MARCHF1: variants seen among roughly 807,000 people sequenced by gnomAD.
MARCHF1 encodes the protein E3 ubiquitin-protein ligase MARCHF1.
Under a neutral mutation model 54.2 loss-of-function variants are expected in MARCHF1, and 40 were observed. The observed-to-expected ratio is 0.74, with a 90% confidence interval of 0.57 to 0.96. The LOEUF is 0.96. Among genes scored for constraint, MARCHF1 ranks in the 40% least tolerant of loss-of-function variants. The pLI, the probability that MARCHF1 is intolerant of heterozygous loss-of-function variation, is 0.00. For synonymous variants in MARCHF1, 236 were observed against 236.3 expected (o/e 1.00, Z 0.01); for missense variants, 586 against 656.5 (o/e 0.89, Z 1.17).
chr4:163,667,555 T>C (rs977748820), intron 5 of MARCHF1, among the ~76,000 whole-genome samples: 1 of 152,138 alleles, frequency 6.6e-6, no homozygotes, highest in African/African-American at 2.4e-5. Flanking sequence ...AATGGAATAT[T>C]CCAGGGGAGA....
intron 5 of MARCHF1, among the ~76,000 whole-genome samples, chr4:163,678,335 T>G (rs951869496): frequency 2.0e-5 from 3 of 152,234 alleles, no homozygotes; most frequent in African/African-American, 7.2e-5. Flanking sequence ...ACAGAATCTG[T>G]TCTGCCTCTT....
intron 2 of MARCHF1, among the ~76,000 whole-genome samples, chr4:163,998,574 T>C (rs568883901): frequency 1.6e-4 from 24 of 151,864 alleles, no homozygotes; most frequent in African/African-American, 5.5e-4. Context: ...ATAGTCACCA[T>C]TGTGTACAAA....
At chr4:164,122,729 G>A (rs897139974) in intron 1 of MARCHF1, among the ~76,000 whole-genome samples, 1 of 151,918 alleles carries the variant, frequency 6.6e-6, no homozygotes, top group Non-Finnish European at 1.5e-5. Context: ...CTTCTTGTGT[G>A]TTTTCGTGTC....
chr4:163,613,469 A>G, intron 5 of MARCHF1, 76 bp from the exon 6 acceptor site: 1 of 1,612,386 alleles, frequency 6.2e-7, no homozygotes, highest in East Asian at 2.2e-5. Context: ...TTTTCCACAT[A>G]TTTAAAAAAT....
rs1738190645 is a variant in MARCHF1, at chr4:163,527,957, A to G, written c.*791T>C. ...GGCTACTGGGAAGTTAAATATTTGC[A>G]TCTGTGGCCTGCATTTGTGGCTGTT... On this transcript the variant is annotated 3_prime_UTR_variant, in exon 10 of 10. Transcript: ENST00000514618. 1 of 152,526 alleles carries G rather than the reference A, an allele frequency of 6.6e-6. No homozygotes were observed. 9.4% of individuals were successfully genotyped at this position (152,526 alleles called of 1,614,324 possible). A position where few individuals can be genotyped will look rare whatever the true frequency, so the allele number is the denominator to read the frequency against.
intron 5 of MARCHF1, among the ~76,000 whole-genome samples, chr4:163,637,793 C>T (rs1281152014): frequency 1.4e-4 from 22 of 151,870 alleles, no homozygotes; most frequent in South Asian, 4.2e-4. Flanking sequence ...CACATGCACA[C>T]GTATGTTTAT....
At chr4:163,812,349 G>A (rs1026439991) in intron 4 of MARCHF1, among the ~76,000 whole-genome samples, 5 of 150,966 alleles carry the variant, frequency 3.3e-5, no homozygotes, top group East Asian at 1.9e-4. Context: ...ACATATACAC[G>A]TATATATACA....
intron 9 of MARCHF1, among the ~76,000 whole-genome samples, chr4:163,542,749 A>G (rs564968046): frequency 6.6e-6 from 1 of 152,340 alleles, no homozygotes; most frequent in South Asian, 2.1e-4. Flanking sequence ...GAGGTTAAAA[A>G]TATGCATTTC....
chr4:163,630,649 T>A (rs189451075), intron 5 of MARCHF1, among the ~76,000 whole-genome samples: 396 of 152,198 alleles, frequency 2.6e-3, no homozygotes, highest in Admixed American at 3.6e-3. Context: ...GCAAAATGGA[T>A]TGTGGTGAGA....
chr4:163,721,830 G>A (rs1468959156), intron 4 of MARCHF1, among the ~76,000 whole-genome samples: 1 of 152,036 alleles, frequency 6.6e-6, no homozygotes, highest in African/African-American at 2.4e-5. Context: ...GGTGTTTGTG[G>A]TATTCTCTGA....
intron 4 of MARCHF1, among the ~76,000 whole-genome samples, chr4:163,733,258 T>TATATACATGTATATATATAC (rs1554008879): frequency 2.2e-5 from 1 of 45,062 alleles, no homozygotes; most frequent in African/African-American, 6.6e-5. Context: ...TATATATATA[T>TATATACATGTATATATATAC]ACACACACAC....
chr4:163,965,574 T>C (rs1464982015), intron 3 of MARCHF1, among the ~76,000 whole-genome samples: 1 of 152,046 alleles, frequency 6.6e-6, no homozygotes, highest in Non-Finnish European at 1.5e-5. Context: ...AAAGGCAGCA[T>C]CAAGGACCCA....
chr4:163,783,340 C>A (rs565411398), intron 4 of MARCHF1, among the ~76,000 whole-genome samples: 22 of 152,286 alleles, frequency 1.4e-4, no homozygotes, highest in Admixed American at 1.4e-3. Context: ...CTAGCTTAAA[C>A]AGGAATGTAT....
intron 1 of MARCHF1, among the ~76,000 whole-genome samples, chr4:164,212,617 C>G (rs1018741633): frequency 6.6e-6 from 1 of 152,046 alleles, no homozygotes; most frequent in Non-Finnish European, 1.5e-5. Flanking sequence ...ATATGATCAG[C>G]CTTCAATATC....
At chr4:164,064,909 A>T (rs34561353) in intron 2 of MARCHF1, among the ~76,000 whole-genome samples, 6,994 of 152,196 alleles carry the variant, frequency 0.046, 218 homozygotes, top group Middle Eastern at 0.14. Context: ...TGAGGTAATC[A>T]TGTGGTTTTT....
At chr4:164,192,815 A>G (rs1353045394) in intron 1 of MARCHF1, among the ~76,000 whole-genome samples, 2 of 152,148 alleles carry the variant, frequency 1.3e-5, no homozygotes, top group African/African-American at 4.8e-5. Flanking sequence ...TATTCAAACC[A>G]CTATACTAGG....
chr4:164,044,256 C>T (rs1381340068), intron 2 of MARCHF1, among the ~76,000 whole-genome samples: 1 of 152,116 alleles, frequency 6.6e-6, no homozygotes, highest in Non-Finnish European at 1.5e-5. Flanking sequence ...TTACTTGAGA[C>T]TCGGTAGTTT....
intron 4 of MARCHF1, among the ~76,000 whole-genome samples, chr4:163,740,117 GAGAGAGC>G (rs1458207931): frequency 6.6e-6 from 1 of 152,150 alleles, no homozygotes; most frequent in Non-Finnish European, 1.5e-5. Flanking sequence ...TATGCCAGCT[GAGAGAGC>G]AGAGTTTTAG....
At chr4:163,918,467 T>C (rs1751357709) in intron 3 of MARCHF1, among the ~76,000 whole-genome samples, 1 of 152,054 alleles carries the variant, frequency 6.6e-6, no homozygotes, top group African/African-American at 2.4e-5. Flanking sequence ...TTAAAAGGTA[T>C]TAAGGTAAGA....
Sources: gnomAD v4.1 joint callset for allele counts (sites outside exome capture counted in the v4.1 genomes callset) on GRCh38, gnomAD v4.1.1 for gene constraint, MANE v1.5 for transcripts, NCBI Gene and HGNC (gene_info 2026-07-23, HGNC 2026-07-21) for gene names.